GALNT13: variants seen among roughly 807,000 people sequenced by gnomAD.
GALNT13 encodes polypeptide N-acetylgalactosaminyltransferase 13.
GALNT13 carries 28 observed loss-of-function variants against 64.2 expected under a neutral mutation model. That is an observed-to-expected ratio of 0.44 (90% CI 0.32 to 0.60). GALNT13 has a LOEUF of 0.60. Among genes scored for constraint, GALNT13 ranks in the 20% least tolerant of loss-of-function variants. The pLI, the probability that GALNT13 is intolerant of heterozygous loss-of-function variation, is 0.05. For synonymous variants in GALNT13, 214 were observed against 224.6 expected, an observed-to-expected ratio of 0.95 and a Z score of 0.42; for missense variants, 577 against 669.8, an observed-to-expected ratio of 0.86 and a Z score of 1.53.
At chr2:153,887,765 T>C (rs763840373) in intron 1 of GALNT13, among the ~76,000 whole-genome samples, 1 of 152,010 alleles carries the variant, frequency 6.6e-6, no homozygotes, top group African/African-American at 2.4e-5. Context: ...AGTTATTTGA[T>C]CTGCTTTGAC....
chr2:154,343,909 T>G, intron 9 of GALNT13, among the ~76,000 whole-genome samples: 1 of 152,018 alleles, frequency 6.6e-6, no homozygotes. Flanking sequence ...AAGAAGAACA[T>G]TTTGCATTTT....
chr2:153,915,952 G>A (rs1405450670), intron 2 of GALNT13, among the ~76,000 whole-genome samples: 1 of 152,118 alleles, frequency 6.6e-6, no homozygotes, highest in East Asian at 1.9e-4. Flanking sequence ...TGTTGTAGCT[G>A]CACACACAAC....
At chr2:154,246,874 A>C (rs552929207) in intron 7 of GALNT13, among the ~76,000 whole-genome samples, 11 of 152,174 alleles carry the variant, frequency 7.2e-5, no homozygotes, top group Admixed American at 1.3e-4. Context: ...AGGACATTGA[A>C]CTAAAGGATG....
intron 3 of GALNT13, among the ~76,000 whole-genome samples, chr2:154,091,875 T>C (rs1701825759): frequency 6.6e-6 from 1 of 151,816 alleles, no homozygotes; most frequent in Non-Finnish European, 1.5e-5. Context: ...AAATGACTAG[T>C]TAAGGTAGAC....
At chr2:153,153,186 G>C in the GALNT13 span, among the ~76,000 whole-genome samples, 1 of 151,924 alleles carries the variant, frequency 6.6e-6, no homozygotes, top group Non-Finnish European at 1.5e-5. Context: ...ATGATTTTTG[G>C]CCACATGCAT....
At chr2:154,081,654 G>A (rs929560573) in intron 3 of GALNT13, among the ~76,000 whole-genome samples, 1 of 151,636 alleles carries the variant, frequency 6.6e-6, no homozygotes, top group African/African-American at 2.4e-5. Flanking sequence ...TTATACCATA[G>A]CGCAATATAT....
In GALNT13 at chr2:154,001,901, A is replaced by G. The variant is rs1040303744; in HGVS notation, c.142+57262A>G. 3.3e-5 allele frequency among the ~76,000 whole-genome samples: 5 copies of G among 152,046 alleles called. 1 individual carries two copies. Among genetic ancestry groups the G allele is most frequent in the Admixed American group, 2.0e-4 (3 of 15,266 alleles). On this transcript the variant is annotated intron_variant, in intron 3 of 12. Coordinates refer to ENST00000392825, the MANE Select transcript of GALNT13 (RefSeq NM_052917.4). ...TTTTCTGGTAAAATCATTCCCCTTC[A>G]TGTTTGAAGGATAGCTTTTCTGGGT...
chr2:153,884,983 G>A (rs907073217), intron 1 of GALNT13, among the ~76,000 whole-genome samples: 1 of 149,184 alleles, frequency 6.7e-6, no homozygotes, highest in Non-Finnish European at 1.5e-5. Context: ...AGGTTGCAGT[G>A]AGCCGAGATT....
At chr2:154,025,522 A>G (rs139513232) in intron 3 of GALNT13, among the ~76,000 whole-genome samples, 21 of 133,694 alleles carry the variant, frequency 1.6e-4, no homozygotes, top group African/African-American at 2.3e-4. Context: ...ATTTTTATGT[A>G]ACAAAATGAA....
chr2:154,083,716 T>C (rs984445165), intron 3 of GALNT13, among the ~76,000 whole-genome samples: 33 of 151,832 alleles, frequency 2.2e-4, no homozygotes, highest in African/African-American at 5.6e-4. Context: ...TTAAGTGATG[T>C]CTTTGTGTCT....
intron 3 of GALNT13, among the ~76,000 whole-genome samples, chr2:154,131,216 T>C (rs1461458195): frequency 6.6e-6 from 1 of 151,036 alleles, no homozygotes; most frequent in Admixed American, 6.6e-5. Context: ...CATTTGTGAC[T>C]GTAACATGTG....
At chr2:153,286,653 G>C in the GALNT13 span, among the ~76,000 whole-genome samples, 1 of 152,138 alleles carries the variant, frequency 6.6e-6, no homozygotes, top group Non-Finnish European at 1.5e-5. Flanking sequence ...TTCAGAATAT[G>C]AACAATTTCA....
chr2:154,313,871 A>ATT (rs113461400), intron 9 of GALNT13, among the ~76,000 whole-genome samples: 313 of 151,260 alleles, frequency 2.1e-3, no homozygotes, highest in African/African-American at 7.1e-3. Context: ...TAGTCTAATC[A>ATT]TTTTTTTTTG....
chr2:153,893,423 AT>A (rs1249890823), intron 1 of GALNT13, among the ~76,000 whole-genome samples: 2 of 151,988 alleles, frequency 1.3e-5, no homozygotes, highest in Non-Finnish European at 2.9e-5. Flanking sequence ...CATGATATGT[AT>A]TTTTTGTGGA....
chr2:153,798,674 A>G, the GALNT13 span, among the ~76,000 whole-genome samples: 1 of 152,198 alleles, frequency 6.6e-6, no homozygotes, highest in Non-Finnish European at 1.5e-5. Context: ...TTTTAATGAG[A>G]AAAGCTCACT....
chr2:153,676,023 A>T, the GALNT13 span, among the ~76,000 whole-genome samples: 2 of 152,144 alleles, frequency 1.3e-5, no homozygotes, highest in African/African-American at 4.8e-5. Context: ...ATCAGAGCTG[A>T]ACCATATAAA....
At chr2:153,501,023 G>A in the GALNT13 span, among the ~76,000 whole-genome samples, 2 of 151,322 alleles carry the variant, frequency 1.3e-5, no homozygotes, top group Non-Finnish European at 2.9e-5. Context: ...CCTGTCTTCC[G>A]GATATTTCAG....
chr2:154,208,846 G>T (rs1687617145), intron 4 of GALNT13, among the ~76,000 whole-genome samples: 1 of 152,040 alleles, frequency 6.6e-6, no homozygotes, highest in African/African-American at 2.4e-5. Context: ...TTTATAATGA[G>T]ATCCATGTCT....
chr2:153,194,430 AG>A, the GALNT13 span, among the ~76,000 whole-genome samples: 1 of 152,288 alleles, frequency 6.6e-6, no homozygotes, highest in East Asian at 1.9e-4. Context: ...CTTCAGTTCC[AG>A]GATTTCTGTT....
Sources: allele counts gnomAD v4.1 joint callset (sites outside exome capture counted in the v4.1 genomes callset), GRCh38; gene constraint gnomAD v4.1.1; transcripts MANE v1.5; gene names NCBI Gene and HGNC (gene_info 2026-07-23, HGNC 2026-07-21).